Variants in MAD1L1 observed in about 807,000 individuals in gnomAD.
The protein encoded by MAD1L1 is mitotic spindle assembly checkpoint protein MAD1.
A neutral mutation model predicts 96.9 loss-of-function variants in MAD1L1; 95 were observed. The observed-to-expected ratio is 0.98, with a 90% CI of 0.83 to 1.16. MAD1L1 has a LOEUF of 1.16. Among genes scored for constraint, MAD1L1 ranks in the 50% most tolerant of loss-of-function variants. MAD1L1 has a pLI of 0.00. For synonymous variants in MAD1L1, 473 were observed against 396.6 expected (o/e 1.19, Z -2.29); for missense variants, 1,007 against 954.4 (o/e 1.06, Z -0.73).
At chr7:1,817,110 T>G (rs1290477748) in intron 18 of MAD1L1, 4 of 152,230 alleles carry the variant, frequency 2.6e-5, no homozygotes, top group African/African-American at 9.7e-5. Context: ...GCCAGGACGC[T>G]GGGCACCGGG....
chr7:2,001,444 C>T (rs1309407409), intron 14 of MAD1L1, among the ~76,000 whole-genome samples: 1 of 152,280 alleles, frequency 6.6e-6, no homozygotes, highest in African/African-American at 2.4e-5. Context: ...ACTGGAGGTC[C>T]AGAAACCAGG....
At chr7:2,209,626 T>A (rs559166147) in intron 10 of MAD1L1, among the ~76,000 whole-genome samples, 2 of 152,344 alleles carry the variant, frequency 1.3e-5, no homozygotes, top group East Asian at 3.9e-4. Context: ...GGGAAGCTGC[T>A]GTGGGAAGGA....
chr7:1,956,572 GC>G (rs1277018692), intron 16 of MAD1L1, among the ~76,000 whole-genome samples: 9 of 152,220 alleles, frequency 5.9e-5, no homozygotes, highest in Admixed American at 5.9e-4. Context: ...TTCAGGACAT[GC>G]CTAGGGGCAG....
intron 10 of MAD1L1, among the ~76,000 whole-genome samples, chr7:2,166,818 G>A (rs996200802): frequency 6.6e-6 from 1 of 152,214 alleles, no homozygotes; most frequent in African/African-American, 2.4e-5. Context: ...CATCATGCCA[G>A]GCGAACCCAG....
intron 11 of MAD1L1, among the ~76,000 whole-genome samples, chr7:2,094,767 C>T (rs1786395952): frequency 6.6e-6 from 1 of 151,694 alleles, no homozygotes; most frequent in Non-Finnish European, 1.5e-5. Flanking sequence ...AGGACTCCAA[C>T]CAACGAAACC....
At chr7:1,852,857 C>T (rs750231813) in intron 18 of MAD1L1, among the ~76,000 whole-genome samples, 3 of 151,992 alleles carry the variant, frequency 2.0e-5, no homozygotes, top group East Asian at 1.9e-4. Flanking sequence ...CTCTGAGAGC[C>T]GCACGTGCTG....
In MAD1L1 at chr7:1,845,678, G is replaced by A. The variant is rs1010620084; in HGVS notation, c.1999-29450C>T. 8.3e-5 allele frequency: 11 copies of A among 132,918 alleles called. 1 individual carries two copies. The highest frequency in any genetic ancestry group is 3.6e-4 in the Admixed American group (5 of 13,938). The allele number at this position is 132,918 out of a possible 1,614,324, so 8.2% of individuals were successfully genotyped here. ...CGTGCTCCACGCAGACACGCGTCCCGCTCTGGTTCACGGGGAAGAGCGCTG... is the reference window on the plus strand; with the variant it reads ...CGTGCTCCACGCAGACACGCGTCCCACTCTGGTTCACGGGGAAGAGCGCTG... On this transcript the variant is annotated intron_variant, in intron 18 of 18. Coordinates refer to ENST00000265854, the MANE Select transcript of MAD1L1 (RefSeq NM_001013836.2).
At position 2,133,915 on chromosome 7, in the gene MAD1L1, C is replaced by T. The variant is rs1054635764; in HGVS notation, c.1073+15237G>A. 2.0e-4 allele frequency among the ~76,000 whole-genome samples: 31 copies of T among 152,354 alleles called. 1 individual carries two copies. The highest frequency in any genetic ancestry group is 7.0e-4 in the African/African-American group (29 of 41,584). On this transcript the variant is annotated intron_variant, in intron 11 of 18. Transcript: ENST00000265854. ...ACCTGTTCGTCCATTCTTCCATCAA[C>T]AGCGCACCACCTTGATCACTGTGGT...
chr7:1,835,317 G>C (rs1428819677), intron 18 of MAD1L1, among the ~76,000 whole-genome samples: 1 of 152,214 alleles, frequency 6.6e-6, no homozygotes, highest in Non-Finnish European at 1.5e-5. Flanking sequence ...TCCAGCTAGT[G>C]AAATAACACA....
At position 1,857,196 on chromosome 7, in the gene MAD1L1, T is replaced by C. The variant is rs367660670; in HGVS notation, c.1999-40968A>G. On this transcript the variant is annotated intron_variant, in intron 18 of 18. Coordinates refer to ENST00000265854, the MANE Select transcript of MAD1L1 (RefSeq NM_001013836.2). ...CAAGAGCCGCGAGCGCGGACCGTACTGGCACCTTCCCGAGGATTTCATCAG... is the reference window on the plus strand; with the variant it reads ...CAAGAGCCGCGAGCGCGGACCGTACCGGCACCTTCCCGAGGATTTCATCAG... Among the ~76,000 whole-genome samples the C allele has an allele frequency of 7.2e-5, 11 of 152,210 alleles. No homozygotes were observed. In the East Asian group the frequency reaches 1.2e-3, roughly 16 times the overall value.
intron 10 of MAD1L1, among the ~76,000 whole-genome samples, chr7:2,173,837 C>T (rs941747673): frequency 1.3e-5 from 2 of 152,162 alleles, no homozygotes; most frequent in African/African-American, 4.8e-5. Context: ...CTCACTCTGC[C>T]ACCCAGGCTG....
At chr7:1,900,831 C>G (rs897092112) in intron 17 of MAD1L1, among the ~76,000 whole-genome samples, 1 of 152,232 alleles carries the variant, frequency 6.6e-6, no homozygotes, top group African/African-American at 2.4e-5. Flanking sequence ...GCCTGTGCCG[C>G]TCACAGACCT....
chr7:2,138,531 G>A (rs566348340), intron 11 of MAD1L1, among the ~76,000 whole-genome samples: 1 of 152,316 alleles, frequency 6.6e-6, no homozygotes, highest in Admixed American at 6.5e-5. Context: ...GGGATTGGGG[G>A]CATGAATGCC....
At chr7:1,850,633 G>A (rs939215278) in intron 18 of MAD1L1, among the ~76,000 whole-genome samples, 2 of 152,192 alleles carry the variant, frequency 1.3e-5, no homozygotes, top group Non-Finnish European at 2.9e-5. Context: ...CTGGACCCAG[G>A]TCCGGGGACC....
At chr7:2,025,326 GTGAGACTGACAGCT>G (rs1005522011) in intron 12 of MAD1L1, among the ~76,000 whole-genome samples, 1 of 152,240 alleles carries the variant, frequency 6.6e-6, no homozygotes, top group African/African-American at 2.4e-5. Flanking sequence ...AGAAGCAACA[GTGAGACTGACAGCT>G]TGTTTCCGAG....
chr7:2,081,093 G>T (rs1785620741), intron 11 of MAD1L1, among the ~76,000 whole-genome samples: 1 of 152,138 alleles, frequency 6.6e-6, no homozygotes, highest in Non-Finnish European at 1.5e-5. Context: ...TGGTCCAGGA[G>T]CCAGGCCAGG....
At chr7:1,913,674 G>C (rs1788166210) in intron 17 of MAD1L1, among the ~76,000 whole-genome samples, 1 of 152,216 alleles carries the variant, frequency 6.6e-6, no homozygotes, top group Non-Finnish European at 1.5e-5. Flanking sequence ...GCTATGGGGG[G>C]AGGGAGAGCA....
At chr7:1,983,115 C>T (rs552154451) in intron 14 of MAD1L1, among the ~76,000 whole-genome samples, 32 of 151,524 alleles carry the variant, frequency 2.1e-4, no homozygotes, top group South Asian at 1.5e-3. Flanking sequence ...CGTGCACACA[C>T]GCACACACAC....
rs1012045583 is a variant in MAD1L1, at chr7:2,119,331, C to T, written c.1073+29821G>A. Among the ~76,000 whole-genome samples, 8 of 152,206 alleles carry T rather than the reference C, an allele frequency of 5.3e-5. No homozygotes were observed. The highest frequency in any genetic ancestry group is 8.8e-5 in the Non-Finnish European group (6 of 68,034). ...TGGCTCTCCGCAGCGCCTTCCCTAT[C>T]GCATCTCCATCACCCACCCTTTCTG... On this transcript the variant is annotated intron_variant, in intron 11 of 18. Coordinates refer to ENST00000265854, the MANE Select transcript of MAD1L1 (RefSeq NM_001013836.2). This position sits in a 1 kb window ranked among gnomAD's most constrained non-coding sequence, Gnocchi z 4.6.
Sources: gnomAD v4.1 joint callset for allele counts (sites outside exome capture counted in the v4.1 genomes callset) on GRCh38, gnomAD v4.1.1 for gene constraint, Gnocchi (gnomAD v3.1) non-coding constraint, MANE v1.5 for transcripts, NCBI Gene and HGNC (gene_info 2026-07-23, HGNC 2026-07-21) for gene names.